The following ZNF592 variants were observed in gnomAD, a reference collection of about 807,000 sequenced individuals.
The protein encoded by ZNF592 is spinocerebellar ataxia, autosomal recessive 5.
A neutral mutation model predicts 80.3 loss-of-function variants in ZNF592; 11 were observed. The observed-to-expected ratio is 0.14, with a 90% CI of 0.09 to 0.23. The LOEUF (loss-of-function observed/expected upper bound fraction) is 0.23, where lower values mean the gene tolerates loss of function less well. ZNF592 is among the 10% of genes least tolerant of loss of function. The pLI is 1.00. For missense variants in ZNF592, 1,420 were observed against 1,633.9 expected, an observed-to-expected ratio of 0.87 and a Z score of 2.26; for synonymous variants, 646 against 640.3, an observed-to-expected ratio of 1.01 and a Z score of -0.13.
intron 4 of ZNF592, among the ~76,000 whole-genome samples, chr15:84,788,140 T>C (rs1479735807): frequency 6.6e-6 from 1 of 151,390 alleles, no homozygotes; most frequent in Non-Finnish European, 1.5e-5. Context: ...AGGGTGGGGG[T>C]GGAGGGTGCT....
At chr15:84,759,966 CACCCT>C (rs144238381) in intron 1 of ZNF592, among the ~76,000 whole-genome samples, 27,848 of 71,542 alleles carry the variant, frequency 0.39, 3,708 homozygotes, top group East Asian at 0.53. Flanking sequence ...CCCCCCCCCC[CACCCT>C]GCCATTTAAA....
chr15:84,797,538 C>T (rs1962951812), intron 5 of ZNF592, among the ~76,000 whole-genome samples: 1 of 152,198 alleles, frequency 6.6e-6, no homozygotes, highest in Non-Finnish European at 1.5e-5. Context: ...CATTTTCTTC[C>T]CTCTCCACTT....
At chr15:84,796,970 G>C (rs557542572) in intron 5 of ZNF592, among the ~76,000 whole-genome samples, 1 of 151,922 alleles carries the variant, frequency 6.6e-6, no homozygotes, top group East Asian at 1.9e-4. Context: ...AGCTTCCCCC[G>C]CTCCCCCCCA....
chr15:84,759,954 T>TCCCCCCCCCCCC (rs759072074), intron 1 of ZNF592, among the ~76,000 whole-genome samples: 12 of 49,656 alleles, frequency 2.4e-4, no homozygotes, highest in African/African-American at 7.7e-4. Context: ...TTGGGGAGAT[T>TCCCCCCCCCCCC]CCCCCCCCCC....
At chr15:84,786,519 A>T (rs1486235710) in intron 4 of ZNF592, among the ~76,000 whole-genome samples, 8 of 152,098 alleles carry the variant, frequency 5.3e-5, no homozygotes, top group Non-Finnish European at 1.2e-4. Flanking sequence ...ATTAGGGTAG[A>T]GGTCAGAGGT....
intron 1 of ZNF592, among the ~76,000 whole-genome samples, chr15:84,762,008 TGAA>T (rs1309559935): frequency 6.6e-6 from 1 of 152,206 alleles, no homozygotes; most frequent in Non-Finnish European, 1.5e-5. Flanking sequence ...ATGAGATCAG[TGAA>T]GAAGTGTTTT....
chr15:84,782,828 T>C lies in ZNF592; in HGVS notation c.153T>C (p.Ser51=), dbSNP rs140834784. The part of the protein sequence containing the change: ...LKPPGICMDE[S]VSLSHSGSAP... ...CTCCAGGCATATGTATGGATGAAAG[T>C]GTGTCCTTGTCTCACTCAGGATCAG... Residue 51 remains serine, a synonymous_variant, in exon 4 of 11, where the codon AGT becomes AGC. Coordinates refer to ENST00000560079, the MANE Select transcript of ZNF592 (RefSeq NM_014630.3). 4.1e-5 allele frequency: 66 copies of C among 1,614,146 alleles called. No individual in the cohort carries two copies. The African/African-American group carries it at 8.7e-4, about 21-fold the overall frequency.
chr15:84,790,661 C>G (rs1962720250), intron 4 of ZNF592, 44 bp from the exon 5 acceptor site: 1 of 1,603,064 alleles, frequency 6.2e-7, no homozygotes, highest in Non-Finnish European at 8.5e-7. Context: ...GAGCCACAGG[C>G]CTATGGCCCC....
At chr15:84,775,982 G>C (rs1416921043) in intron 2 of ZNF592, among the ~76,000 whole-genome samples, 1 of 152,236 alleles carries the variant, frequency 6.6e-6, no homozygotes, top group Non-Finnish European at 1.5e-5. Flanking sequence ...CAATCTGCCA[G>C]TCTTAGAGTT....
At chr15:84,766,725 G>GTGTGTGTGTGTA (rs1211754104) in intron 2 of ZNF592, among the ~76,000 whole-genome samples, 5 of 150,160 alleles carry the variant, frequency 3.3e-5, no homozygotes, top group African/African-American at 1.0e-4. Context: ...GTGTGTGTGT[G>GTGTGTGTGTGTA]TGTGTGTGTG....
At chr15:84,761,528 G>A (rs1382981073) in intron 1 of ZNF592, among the ~76,000 whole-genome samples, 1 of 152,170 alleles carries the variant, frequency 6.6e-6, no homozygotes, top group Non-Finnish European at 1.5e-5. Flanking sequence ...AGTGTTGTCA[G>A]TGGTTTCAAG....
Position 84,800,581 on chromosome 15 carries a change from C to T in ZNF592, c.3273+604C>T, listed in dbSNP as rs565939174. Among the ~76,000 whole-genome samples, 16 of 152,312 alleles carry T rather than the reference C, an allele frequency of 1.1e-4. No homozygotes were observed. The East Asian group carries it at 1.5e-3, about 15-fold the overall frequency. On this transcript the variant is annotated intron_variant, in intron 10 of 10. Coordinates refer to ENST00000560079, the MANE Select transcript of ZNF592 (RefSeq NM_014630.3). Reference sequence around the variant, plus strand: ...GTGTCTGGGAAGTCCTAAGAGCTGCCTGGAGTTTCAAGGCATTCTTAAAAA... The same window carrying T: ...GTGTCTGGGAAGTCCTAAGAGCTGCTTGGAGTTTCAAGGCATTCTTAAAAA...
intron 2 of ZNF592, among the ~76,000 whole-genome samples, chr15:84,768,126 A>G (rs1278721035): frequency 6.6e-6 from 1 of 150,868 alleles, no homozygotes; most frequent in Non-Finnish European, 1.5e-5. Flanking sequence ...TCCTGGCCTC[A>G]AATGATCTAC....
intron 3 of ZNF592, among the ~76,000 whole-genome samples, chr15:84,778,820 G>A (rs1962341165): frequency 6.6e-6 from 1 of 152,218 alleles, no homozygotes; most frequent in Non-Finnish European, 1.5e-5. Flanking sequence ...AGGGTCCTCG[G>A]AAGAATGGCG....
intron 2 of ZNF592, among the ~76,000 whole-genome samples, chr15:84,767,579 A>G (rs1432842630): frequency 6.6e-6 from 1 of 152,116 alleles, no homozygotes; most frequent in South Asian, 2.1e-4. Flanking sequence ...CTGTTTGCAA[A>G]GAAGGAAAGG....
rs959786897 is a variant in ZNF592, at chr15:84,775,410, T to G, written c.-149-2773T>G. On this transcript the variant is annotated intron_variant, in intron 2 of 10. Transcript: ENST00000560079. ...CGCATCCAGCTAATCATACTGGGTG[T>G]TGTTGTTGTTGTTGTTGTTGTTGTT... is the stretch of plus-strand genomic sequence containing the variant. Among the ~76,000 whole-genome samples, 40 of 92,786 alleles carry G rather than the reference T, an allele frequency of 4.3e-4. No individual in the cohort carries two copies. In the South Asian group the frequency reaches 4.7e-3, roughly 11 times the overall value. The allele number at this position is 92,786 out of a possible 152,430, so 60.9% of individuals were successfully genotyped here.
chr15:84,795,326 G>A (rs901655301), intron 5 of ZNF592, among the ~76,000 whole-genome samples: 6 of 152,040 alleles, frequency 3.9e-5, no homozygotes, highest in African/African-American at 4.8e-5. Flanking sequence ...TGTCTATCTC[G>A]TCTTAAAAAA....
intron 1 of ZNF592, among the ~76,000 whole-genome samples, chr15:84,749,817 G>C (rs1898960702): frequency 6.6e-6 from 1 of 152,182 alleles, no homozygotes; most frequent in South Asian, 2.1e-4. Flanking sequence ...CAGTGAAAGG[G>C]GCAGAAGTGT....
Position 84,799,349 on chromosome 15 carries a change from T to A in ZNF592, c.3137+139T>A. Reference sequence around the variant, plus strand: ...ATTTCCAACTGGAAGAAATTGCGGCTAAGTCAGAAATCAGGGGCAGGTCAA... The same window carrying A: ...ATTTCCAACTGGAAGAAATTGCGGCAAAGTCAGAAATCAGGGGCAGGTCAA... On this transcript the variant is annotated intron_variant, in intron 9 of 10. Transcript: ENST00000560079. The surrounding 1 kb of genome is among the most constrained non-coding windows in gnomAD (Gnocchi z 4.2). The A allele has an allele frequency of 1.0e-6, 1 of 955,380 alleles. No homozygotes were observed. Among genetic ancestry groups the A allele is most frequent in the Non-Finnish European group, 1.7e-6 (1 of 604,372 alleles). The allele number at this position is 955,380 out of a possible 1,614,324, so 59.2% of individuals were successfully genotyped here. A position where few individuals can be genotyped will look rare whatever the true frequency, so the allele number is the denominator to read the frequency against.
Sources: allele counts gnomAD v4.1 joint callset (sites outside exome capture counted in the v4.1 genomes callset), GRCh38; gene constraint gnomAD v4.1.1; non-coding constraint Gnocchi (gnomAD v3.1); transcripts MANE v1.5; gene names NCBI Gene and HGNC (gene_info 2026-07-23, HGNC 2026-07-21).